The following TRDN variants were observed in gnomAD, a reference collection of about 807,000 sequenced individuals.
TRDN encodes the protein triadin in skeletal muscle.
In TRDN, 161 loss-of-function variants were observed where a neutral mutation model predicts 149.7. The observed-to-expected ratio is 1.08, with a 90% confidence interval of 0.95 to 1.23. The LOEUF (loss-of-function observed/expected upper bound fraction) is 1.23, where lower values mean the gene tolerates loss of function less well. Among genes scored for constraint, TRDN ranks in the 50% most tolerant of loss-of-function variants. The pLI is 0.00. For missense variants in TRDN, 896 were observed against 823.5 expected (o/e 1.09, Z -1.08); for synonymous variants, 294 against 250.5 (o/e 1.17, Z -1.64).
At chr6:123,374,711 G>A (rs1380964279) in intron 19 of TRDN, among the ~76,000 whole-genome samples, 1 of 152,004 alleles carries the variant, frequency 6.6e-6, no homozygotes, top group African/African-American at 2.4e-5. Context: ...AGGAGGCGGA[G>A]GTGCAGTGAG....
intron 12 of TRDN, among the ~76,000 whole-genome samples, chr6:123,427,320 C>T (rs1487589702): frequency 6.6e-6 from 1 of 150,814 alleles, no homozygotes; most frequent in Non-Finnish European, 1.5e-5. Flanking sequence ...AAGAGTAAGA[C>T]AAGTGGCTAA....
chr6:123,250,907 CCAACACTACACCT>C (rs944429076), intron 38 of TRDN, among the ~76,000 whole-genome samples: 3 of 152,234 alleles, frequency 2.0e-5, no homozygotes, highest in Admixed American at 1.3e-4. Context: ...CCACTTCTTT[CCAACACTACACCT>C]CAACTTCAAC....
intron 1 of TRDN, among the ~76,000 whole-genome samples, chr6:123,607,878 T>G (rs918855182): frequency 2.7e-5 from 4 of 150,374 alleles, no homozygotes; most frequent in African/African-American, 9.8e-5. Context: ...TAATTAGAGA[T>G]GGGGCCTTTT....
At chr6:123,473,063 C>A (rs1372827663) in intron 9 of TRDN, among the ~76,000 whole-genome samples, 1 of 152,252 alleles carries the variant, frequency 6.6e-6, no homozygotes, top group Non-Finnish European at 1.5e-5. Context: ...GAACGCAGTT[C>A]CTCACCAGCA....
At chr6:123,459,136 CAT>C (rs1319375033) in intron 10 of TRDN, among the ~76,000 whole-genome samples, 1 of 152,142 alleles carries the variant, frequency 6.6e-6, no homozygotes, top group Non-Finnish European at 1.5e-5. Context: ...ACTCCTGACT[CAT>C]ATATTCAGTT....
At chr6:123,481,797 C>T (rs1242269463) in intron 9 of TRDN, among the ~76,000 whole-genome samples, 2 of 152,130 alleles carry the variant, frequency 1.3e-5, no homozygotes, top group Non-Finnish European at 2.9e-5. Context: ...GAGTTTTCCT[C>T]CAATTCCACT....
At chr6:123,405,066 G>C (rs143010444) in intron 12 of TRDN, among the ~76,000 whole-genome samples, 1 of 152,142 alleles carries the variant, frequency 6.6e-6, no homozygotes. Context: ...ACATCTTCAC[G>C]TATTGCAGCA....
At chr6:123,583,300 A>C (rs1783230688) in intron 1 of TRDN, among the ~76,000 whole-genome samples, 2 of 151,864 alleles carry the variant, frequency 1.3e-5, no homozygotes, top group African/African-American at 4.8e-5. Flanking sequence ...TAGGGATGAC[A>C]AGTTTTTGGG....
chr6:123,551,223 T>TATATATATATATATA (rs1311778479), intron 2 of TRDN, among the ~76,000 whole-genome samples: 18 of 137,412 alleles, frequency 1.3e-4, no homozygotes, highest in South Asian at 2.2e-4. Flanking sequence ...TATATATATA[T>TATATATATATATATA]TGCCTGGTTC....
chr6:123,273,032 A>T, intron 28 of TRDN, 21 bp from the exon 29 acceptor site: 1 of 1,456,224 alleles, frequency 6.9e-7, no homozygotes, highest in Non-Finnish European at 9.1e-7. Flanking sequence ...TAAAAAGAAA[A>T]TCTTTTTTAG....
At chr6:123,489,949 TA>T (rs1296274116) in intron 9 of TRDN, among the ~76,000 whole-genome samples, 6 of 152,072 alleles carry the variant, frequency 3.9e-5, no homozygotes, top group African/African-American at 1.4e-4. Context: ...AATTCAGAAT[TA>T]TTTTTTCCAT....
At chr6:123,274,514 T>C in intron 27 of TRDN, 127 bp downstream of exon 27, 2 of 772,572 alleles carry the variant, frequency 2.6e-6, no homozygotes, top group South Asian at 4.5e-5. Flanking sequence ...GCAATGGAGT[T>C]GACAAAATAA....
At chr6:123,244,094 C>T (rs1405779929) in intron 38 of TRDN, among the ~76,000 whole-genome samples, 1 of 152,082 alleles carries the variant, frequency 6.6e-6, no homozygotes, top group Non-Finnish European at 1.5e-5. Flanking sequence ...CCAAAGGTCA[C>T]CAACAACAAA....
chr6:123,319,544 A>T (rs532723281), intron 23 of TRDN, among the ~76,000 whole-genome samples: 52 of 152,212 alleles, frequency 3.4e-4, no homozygotes, highest in African/African-American at 1.2e-3. Context: ...GCTTCAGGAA[A>T]CCAAGGACAG....
At chr6:123,292,196 G>T (rs1487588126) in intron 24 of TRDN, among the ~76,000 whole-genome samples, 3 of 152,106 alleles carry the variant, frequency 2.0e-5, no homozygotes, top group Non-Finnish European at 1.5e-5. Context: ...GTCCTATGCT[G>T]ATGACAAGGT....
chr6:123,314,715 C>G (rs1386722963), intron 24 of TRDN, among the ~76,000 whole-genome samples: 1 of 151,928 alleles, frequency 6.6e-6, no homozygotes, highest in Non-Finnish European at 1.5e-5. Context: ...GAACAAGGGC[C>G]ATTATCCTTA....
At chr6:123,560,304 C>G (rs988687580) in intron 2 of TRDN, among the ~76,000 whole-genome samples, 4 of 152,122 alleles carry the variant, frequency 2.6e-5, no homozygotes, top group African/African-American at 9.7e-5. Context: ...CGGGCCCTCA[C>G]TCTTACAAAG....
chr6:123,367,594 C>T (rs1342192864), intron 19 of TRDN, among the ~76,000 whole-genome samples: 1 of 152,226 alleles, frequency 6.6e-6, no homozygotes, highest in Non-Finnish European at 1.5e-5. Context: ...ATACCCTGGG[C>T]TTCAAGACTG....
intron 13 of TRDN, among the ~76,000 whole-genome samples, chr6:123,389,162 A>T (rs1346360574): frequency 1.3e-5 from 2 of 152,144 alleles, no homozygotes; most frequent in African/African-American, 4.8e-5. Flanking sequence ...ATTCTGGACC[A>T]TGAATCTAAA....
Sources: gnomAD v4.1 joint callset for allele counts (sites outside exome capture counted in the v4.1 genomes callset) on GRCh38, gnomAD v4.1.1 for gene constraint, MANE v1.5 for transcripts, NCBI Gene and HGNC (gene_info 2026-07-23, HGNC 2026-07-21) for gene names.